GNB1: variants seen among roughly 807,000 people sequenced by gnomAD.
GNB1 encodes guanine nucleotide-binding protein G(I)/G(S)/G(T) subunit beta-1.
GNB1 carries 2 observed loss-of-function variants against 42.9 expected under a neutral mutation model. The observed-to-expected ratio is 0.05, with a 90% CI of 0.02 to 0.15. GNB1 has a LOEUF of 0.15. GNB1 is among the 10% of genes least tolerant of loss of function. GNB1 has a pLI of 1.00. For synonymous variants in GNB1, 183 were observed against 174.7 expected, an observed-to-expected ratio of 1.05 and a Z score of -0.38; for missense variants, 193 against 462.2, an observed-to-expected ratio of 0.42 and a Z score of 5.34.
At chr1:1,834,951 A>T (rs761411428) in intron 2 of GNB1, among the ~76,000 whole-genome samples, 1 of 152,158 alleles carries the variant, frequency 6.6e-6, no homozygotes, top group African/African-American at 2.4e-5. Flanking sequence ...TACAGGCGTG[A>T]GCCACTGCAC....
rs777294138 is a variant in GNB1 at position 1,789,120 on chromosome 1, G to A, written c.849C>T (p.Arg283=). The change falls in exon 10 of 12, where the codon CGC becomes CGT. Residue 283 remains arginine (R), a synonymous_variant. Coordinates refer to ENST00000378609, the MANE Select transcript of GNB1 (RefSeq NM_002074.5). ...AGTCGTCGTACCCAGCAAGGAGGAG[G>A]CGCCCGCTCTTGGAGAAGGAGACAG... ...ITSVSFSKSG[R]LLLAGYDDFN... 1 of 1,614,210 alleles carries A rather than the reference G, an allele frequency of 6.2e-7. No individual in the cohort carries two copies.
At chr1:1,882,746 C>T (rs1027567698) in intron 1 of GNB1, among the ~76,000 whole-genome samples, 3 of 151,972 alleles carry the variant, frequency 2.0e-5, no homozygotes, top group East Asian at 3.9e-4. Context: ...TATGGTGAAA[C>T]CCTGTCTCTA....
At chr1:1,831,318 C>T (rs34849348) in intron 2 of GNB1, among the ~76,000 whole-genome samples, 60,133 of 151,958 alleles carry the variant, frequency 0.4, 14,380 homozygotes, top group Admixed American at 0.55. Context: ...ATCTGGGCAA[C>T]AGAGCAAGAT....
rs1279901873 is a variant in GNB1, at chr1:1,797,738, C to T, written c.431-4427G>A. 2.6e-5 allele frequency among the ~76,000 whole-genome samples: 4 copies of T among 152,174 alleles called. No individual in the cohort carries two copies. In the East Asian group the frequency reaches 7.7e-4, roughly 29 times the overall value. ...AGGCATGAGCCACCGCGCCCAGCCCCCTTTCCAAAATTTCTACAATGAACA... is the reference window on the plus strand; with the variant it reads ...AGGCATGAGCCACCGCGCCCAGCCCTCTTTCCAAAATTTCTACAATGAACA... On this transcript the variant is annotated intron_variant, in intron 7 of 11. Transcript: ENST00000378609.
Position 1,817,277 on chromosome 1 carries a change from C to G in GNB1, c.96+560G>C, listed in dbSNP as rs79432804. On this transcript the variant is annotated intron_variant, in intron 4 of 11. Coordinates refer to ENST00000378609, the MANE Select transcript of GNB1 (RefSeq NM_002074.5). Reference sequence around the variant, plus strand: ...ACGTTGCAGCCTCTGACTGTACTGACGTCCATTTAATGGCTGATAATACTC... The same window carrying G: ...ACGTTGCAGCCTCTGACTGTACTGAGGTCCATTTAATGGCTGATAATACTC... Among the ~76,000 whole-genome samples, 1,276 of 152,290 alleles carry G rather than the reference C, an allele frequency of 8.4e-3. 22 individuals carry two copies. The highest frequency in any genetic ancestry group is 0.029 in the African/African-American group (1,225 of 41,552).
chr1:1,793,203 G>A lies in GNB1; in HGVS notation c.497+42C>T, dbSNP rs371788300. 5 of 1,274,492 alleles carry A rather than the reference G, an allele frequency of 3.9e-6. No homozygotes were observed. The African/African-American group carries it at 5.8e-5, about 15-fold the overall frequency. 78.9% of individuals were successfully genotyped at this position (1,274,492 alleles called of 1,614,324 possible). ...TTCACAGAGGAATGTGCCAGGGGCT[G>A]TGGGTTCTCAAGGCACTGCCTGCCC... On this transcript the variant is annotated intron_variant, in intron 8 of 11. Transcript: ENST00000378609.
chr1:1,850,048 A>C (rs1647896905), intron 1 of GNB1, among the ~76,000 whole-genome samples: 2 of 151,992 alleles, frequency 1.3e-5, no homozygotes, highest in African/African-American at 4.8e-5. Flanking sequence ...AGCTCACTGC[A>C]ATCTCCGCCT....
Position 1,871,230 on chromosome 1 carries a change from C to G in GNB1, c.-96+19590G>C, listed in dbSNP as rs146135208. ...ATTTTGGATAACATTAAGGCCGAGG[C>G]AGGTGGATCACTTAAGGCCAGGAGT... On this transcript the variant is annotated intron_variant, in intron 1 of 11. Coordinates refer to ENST00000378609, the MANE Select transcript of GNB1 (RefSeq NM_002074.5). Among the ~76,000 whole-genome samples, 1,044 of 152,178 alleles carry G rather than the reference C, an allele frequency of 6.9e-3. 14 individuals are homozygous for G. The highest frequency in any genetic ancestry group is 0.024 in the African/African-American group (982 of 41,526).
intron 7 of GNB1, among the ~76,000 whole-genome samples, chr1:1,802,113 AT>A (rs1171081544): frequency 1.3e-5 from 2 of 152,232 alleles, no homozygotes; most frequent in East Asian, 1.9e-4. Context: ...AAAATCCATA[AT>A]CATTTTAACA....
intron 2 of GNB1, among the ~76,000 whole-genome samples, chr1:1,838,207 GA>G (rs916038037): frequency 1.3e-4 from 20 of 151,108 alleles, no homozygotes; most frequent in Admixed American, 9.9e-4. Context: ...TGTCTCAAAA[GA>G]AAAAAAAGAA....
rs76367091 is a variant in GNB1, at chr1:1,822,570, C to T, written c.57+2827G>A. 3.3e-3 allele frequency among the ~76,000 whole-genome samples: 508 copies of T among 152,216 alleles called. 14 individuals carry two copies. The East Asian group carries it at 0.063, about 19-fold the overall frequency. On this transcript the variant is annotated intron_variant, in intron 3 of 11. Coordinates refer to ENST00000378609, the MANE Select transcript of GNB1 (RefSeq NM_002074.5). ...GACCTTGTGATCCACATGCCTCAGC[C>T]TCCCAAAGTGCTGGGATTACAGGCG...
chr1:1,811,109 G>T (rs1570651706), intron 5 of GNB1, among the ~76,000 whole-genome samples: 1 of 135,558 alleles, frequency 7.4e-6, no homozygotes. Flanking sequence ...TTTTTGAGAT[G>T]GAGTCTCACT....
intron 1 of GNB1, among the ~76,000 whole-genome samples, chr1:1,884,162 C>T (rs1030952486): frequency 4.7e-5 from 7 of 149,732 alleles, no homozygotes; most frequent in Non-Finnish European, 1.0e-4. Flanking sequence ...ATGGAGTTTC[C>T]TTCTTGTTGC....
chr1:1,830,678 G>A (rs892386744), intron 2 of GNB1, among the ~76,000 whole-genome samples: 16 of 152,024 alleles, frequency 1.1e-4, no homozygotes, highest in African/African-American at 3.6e-4. Context: ...GAGTAGCCAG[G>A]ACTACAAGCA....
At chr1:1,851,041 G>A (rs1334634051) in intron 1 of GNB1, among the ~76,000 whole-genome samples, 7 of 152,236 alleles carry the variant, frequency 4.6e-5, no homozygotes, top group African/African-American at 1.7e-4. Context: ...AGGCCAAGGC[G>A]GGCGGATCAC....
rs1226434744 is a variant in GNB1, at chr1:1,817,791, G to C, written c.96+46C>G. 2.8e-6 allele frequency: 4 copies of C among 1,438,772 alleles called. No homozygotes were observed. The Admixed American group carries it at 5.0e-5, about 18-fold the overall frequency. The allele number at this position is 1,438,772 out of a possible 1,614,324, so 89.1% of individuals were successfully genotyped here. ...GGCTCCAGGTGTGGGTGCCGTGCTA[G>C]CCTCCTCACAGGCAGATGGCTCTGC... On this transcript the variant is annotated intron_variant, in intron 4 of 11. Transcript: ENST00000378609.
chr1:1,872,719 C>G (rs1649316244), intron 1 of GNB1, among the ~76,000 whole-genome samples: 1 of 152,172 alleles, frequency 6.6e-6, no homozygotes, highest in Non-Finnish European at 1.5e-5. Context: ...CAAGTGCCCT[C>G]TCCACCCAAC....
At chr1:1,831,097 G>A (rs1285454888) in intron 2 of GNB1, among the ~76,000 whole-genome samples, 8 of 152,252 alleles carry the variant, frequency 5.3e-5, no homozygotes, top group Non-Finnish European at 8.8e-5. Context: ...CCTGGGAGGC[G>A]GAGGCTGCAG....
chr1:1,875,961 T>C (rs1007111943), intron 1 of GNB1, among the ~76,000 whole-genome samples: 1 of 152,060 alleles, frequency 6.6e-6, no homozygotes, highest in Non-Finnish European at 1.5e-5. Context: ...CCTAATCTAA[T>C]AACTATGTCC....
Sources: gnomAD v4.1 joint callset for allele counts (sites outside exome capture counted in the v4.1 genomes callset) on GRCh38, gnomAD v4.1.1 for gene constraint, MANE v1.5 for transcripts, NCBI Gene and HGNC (gene_info 2026-07-23, HGNC 2026-07-21) for gene names.